The following ZNF619 variants were observed in gnomAD, a reference collection of about 807,000 sequenced individuals.
The protein encoded by ZNF619 is zinc finger protein 619.
In ZNF619, 9 loss-of-function variants were observed where a neutral mutation model predicts 14.2. The observed-to-expected ratio is 0.64, with a 90% confidence interval of 0.38 to 1.11. The LOEUF is 1.11. Ranked by LOEUF, ZNF619 falls within the 50% of genes least tolerant of loss-of-function variation. The pLI, the probability that ZNF619 is intolerant of heterozygous loss-of-function variation, is 0.01. For missense variants in ZNF619, 659 were observed against 680.1 expected (o/e 0.97, Z 0.34); for synonymous variants, 246 against 252.8 (o/e 0.97, Z 0.26).
rs1485830397 is a variant in ZNF619 at position 40,477,216 on chromosome 3, G to C, written c.-204G>C. ...CCGGGCTTCCCTGACTCGGCTACCTGTTCTGGAGGTCAGGCTTTGGGCCCT... is the reference window on the plus strand; with the variant it reads ...CCGGGCTTCCCTGACTCGGCTACCTCTTCTGGAGGTCAGGCTTTGGGCCCT... On this transcript the variant is annotated 5_prime_UTR_variant, in exon 1 of 5. Transcript: ENST00000432264. 1 of 152,348 alleles carries C rather than the reference G, an allele frequency of 6.6e-6. No individual in the cohort carries two copies. Among genetic ancestry groups the C allele is most frequent in the African/African-American group, 2.4e-5 (1 of 41,458 alleles). 9.4% of individuals were successfully genotyped at this position (152,348 alleles called of 1,614,324 possible).
intron 3 of ZNF619, 113 bp from the exon 4 acceptor site, chr3:40,482,475 A>G: frequency 1.3e-6 from 2 of 1,553,474 alleles, no homozygotes; most frequent in Non-Finnish European, 8.9e-7. Context: ...CCCTGACTTC[A>G]CTTAGTCTCC....
At chr3:40,485,490 A>G (rs1017430518) in intron 4 of ZNF619, among the ~76,000 whole-genome samples, 1 of 152,000 alleles carries the variant, frequency 6.6e-6, no homozygotes, top group African/African-American at 2.4e-5. Context: ...TTTAGTAGAG[A>G]TGGGGTTTTG....
chr3:40,483,768 A>G (rs1193260396), intron 4 of ZNF619: 1 of 372,094 alleles, frequency 2.7e-6, no homozygotes, highest in South Asian at 1.9e-5. Context: ...AGCTGGGATT[A>G]TAGGCATGTG....
chr3:40,486,775 G>A (rs752575961), intron 4 of ZNF619, 31 bp from the exon 5 acceptor site: 9 of 1,516,112 alleles, frequency 5.9e-6, no homozygotes, highest in Middle Eastern at 1.8e-4. Flanking sequence ...AATAAATAAG[G>A]GACTTTTATG....
intron 2 of ZNF619, 69 bp from the exon 3 acceptor site, chr3:40,481,794 C>G: frequency 6.5e-7 from 1 of 1,538,094 alleles, no homozygotes; most frequent in South Asian, 1.3e-5. Context: ...CCATGGGGCT[C>G]AGTGCCATGG....
chr3:40,484,577 G>A (rs1230186182), intron 4 of ZNF619, among the ~76,000 whole-genome samples: 1 of 152,112 alleles, frequency 6.6e-6, no homozygotes, highest in African/African-American at 2.4e-5. Context: ...GATCATGTAG[G>A]GGCTTTCCCA....
intron 2 of ZNF619, among the ~76,000 whole-genome samples, chr3:40,478,582 C>T (rs1697278810): frequency 6.6e-6 from 1 of 151,990 alleles, no homozygotes; most frequent in African/African-American, 2.4e-5. Context: ...AAGCCAGTGC[C>T]TTTAGCTCAA....
At chr3:40,485,137 A>G (rs1230880611) in intron 4 of ZNF619, among the ~76,000 whole-genome samples, 1 of 152,152 alleles carries the variant, frequency 6.6e-6, no homozygotes, top group East Asian at 1.9e-4. Flanking sequence ...ATACTGGTCC[A>G]GGGACCACCA....
rs1697734975 is a variant in ZNF619, at chr3:40,489,196, TC to T, written c.*957del. On this transcript the variant is annotated 3_prime_UTR_variant, in exon 5 of 5. Transcript: ENST00000432264. Reference sequence around the variant, plus strand: ...TTGGGTTCCTTCTCTATTTTCATTTTCCTTTTTTTTTTGAGACAGGTTCTTG... The same window carrying T: ...TTGGGTTCCTTCTCTATTTTCATTTTCTTTTTTTTTTGAGACAGGTTCTTG... 2.0e-5 allele frequency: 3 copies of T among 150,958 alleles called. No individual in the cohort carries two copies. In the South Asian group the frequency reaches 6.3e-4, roughly 32 times the overall value. The allele number at this position is 150,958 out of a possible 1,614,324, so 9.4% of individuals were successfully genotyped here. A position where few individuals can be genotyped will look rare whatever the true frequency, so the allele number is the denominator to read the frequency against.
chr3:40,477,722 T>A (rs1697240149), intron 1 of ZNF619, 196 bp from the exon 2 acceptor site: 1 of 489,620 alleles, frequency 2.0e-6, no homozygotes. Context: ...TTTCTAGAGT[T>A]TCCAGTGTCA....
At chr3:40,478,082 C>A in intron 2 of ZNF619, 79 bp downstream of exon 2, 1 of 1,370,598 alleles carries the variant, frequency 7.3e-7, no homozygotes, top group Non-Finnish European at 1.0e-6. Context: ...CCTGACTTGG[C>A]CAGTCTCATG....
intron 4 of ZNF619, chr3:40,483,712 T>G (rs1697486463): frequency 2.3e-6 from 1 of 439,154 alleles, no homozygotes; most frequent in African/African-American, 2.0e-5. Context: ...CACCGCAACC[T>G]CTGCCTTCCA....
intron 4 of ZNF619, among the ~76,000 whole-genome samples, chr3:40,483,264 A>C (rs1697465953): frequency 6.6e-6 from 1 of 152,076 alleles, no homozygotes; most frequent in South Asian, 2.1e-4. Flanking sequence ...CAGGAATATA[A>C]ACACAATATA....
chr3:40,477,849 G>A, intron 1 of ZNF619, 69 bp from the exon 2 acceptor site: 1 of 786,578 alleles, frequency 1.3e-6, no homozygotes, highest in Non-Finnish European at 2.1e-6. Context: ...CTAGTGGCAG[G>A]AGACAGAGGG....
chr3:40,478,964 G>C (rs1185656468), intron 2 of ZNF619, among the ~76,000 whole-genome samples: 4 of 152,146 alleles, frequency 2.6e-5, no homozygotes, highest in Admixed American at 6.5e-5. Flanking sequence ...CTTAGGATTA[G>C]ATTCCCCAAA....
Position 40,487,441 on chromosome 3 carries a change from A to G in ZNF619, c.931A>G (p.Thr311Ala), listed in dbSNP as rs368408720. ...ACTGATTCGGCATCAGAGAATCCAT[A>G]CTGGGGAGAAGCCCTTTAAATGTAA... ...SKLIRHQRIHTGEKPFKCKEC... is the reference protein window; with the variant it reads ...SKLIRHQRIHAGEKPFKCKEC... Residue 311 changes from threonine (T) to alanine (A), a missense_variant, in exon 5 of 5, where the codon ACT becomes GCT. Physicochemically the swap from Thr to Ala is moderately conservative, Grantham distance 58. Coordinates refer to ENST00000432264, the MANE Select transcript of ZNF619 (RefSeq NM_001145093.4). 1 of 1,614,124 alleles carries G rather than the reference A, an allele frequency of 6.2e-7. No homozygotes were observed. The highest frequency in any genetic ancestry group is 1.3e-5 in the African/African-American group (1 of 74,946).
intron 2 of ZNF619, among the ~76,000 whole-genome samples, chr3:40,480,825 G>C (rs1697367008): frequency 6.6e-6 from 1 of 152,140 alleles, no homozygotes; most frequent in African/African-American, 2.4e-5. Flanking sequence ...TTCTATGTTA[G>C]ATTTCTTCAC....
At chr3:40,480,798 C>T (rs916764181) in intron 2 of ZNF619, among the ~76,000 whole-genome samples, 2 of 152,156 alleles carry the variant, frequency 1.3e-5, no homozygotes, top group African/African-American at 4.8e-5. Context: ...CTGTGCCCAG[C>T]CCAAATCTTC....
rs1310923470 is a variant in ZNF619 at position 40,487,008 on chromosome 3, G to A, written c.498G>A (p.Gln166=). 2 of 1,614,144 alleles carry A rather than the reference G, an allele frequency of 1.2e-6. No homozygotes were observed. The highest frequency in any genetic ancestry group is 2.2e-5 in the South Asian group (2 of 91,078). ...KIGDCTDLTV[Q]DHESSTTERE... is the part of the protein sequence containing the mutation. ...GGGATTGCACAGATTTGACAGTCCA[G>A]GATCATGAATCTTCCACCACTGAAA... The change falls in exon 5 of 5, where the codon CAG becomes CAA. Residue 166 remains glutamine, a synonymous_variant. Coordinates refer to ENST00000432264, the MANE Select transcript of ZNF619 (RefSeq NM_001145093.4).
Sources: gnomAD v4.1 joint callset for allele counts (sites outside exome capture counted in the v4.1 genomes callset) on GRCh38, gnomAD v4.1.1 for gene constraint, MANE v1.5 for transcripts, NCBI Gene and HGNC (gene_info 2026-07-23, HGNC 2026-07-21) for gene names.